Variants in DIPK1B observed in about 807,000 individuals in gnomAD.
The protein encoded by DIPK1B is family with sequence similarity 69 member B.
A neutral mutation model predicts 20.7 loss-of-function variants in DIPK1B; 17 were observed. The ratio of observed to expected loss-of-function variants is 0.82; its 90% CI spans 0.56 to 1.23. The LOEUF (loss-of-function observed/expected upper bound fraction) is 1.23, where lower values mean the gene tolerates loss of function less well. DIPK1B is among the 50% of genes most tolerant of loss of function. DIPK1B has a pLI of 0.00. For synonymous variants in DIPK1B, 343 were observed against 276.5 expected (o/e 1.24, Z -2.39); for missense variants, 648 against 601.8 (o/e 1.08, Z -0.80).
At chr9:136,721,692 G>GTAGATCTC in intron 2 of DIPK1B, 1 of 545,228 alleles carries the variant, frequency 1.8e-6, no homozygotes, top group Non-Finnish European at 3.3e-6. Flanking sequence ...CCAGGATGGT[G>GTAGATCTC]GGGACGGGAC....
intron 1 of DIPK1B, among the ~76,000 whole-genome samples, chr9:136,714,206 C>T (rs1350950897): frequency 6.6e-6 from 1 of 152,202 alleles, no homozygotes; most frequent in African/African-American, 2.4e-5. Flanking sequence ...GGCAAGGTGG[C>T]TCCTGCCTGT....
intron 2 of DIPK1B, among the ~76,000 whole-genome samples, chr9:136,718,071 G>A (rs1271148204): frequency 6.6e-6 from 1 of 151,964 alleles, no homozygotes; most frequent in Admixed American, 6.5e-5. Context: ...CCGGGATAGA[G>A]ACCCCCGTGT....
Position 136,712,824 on chromosome 9 carries a change from G to A in DIPK1B, c.63+96G>A, listed in dbSNP as rs1367409572. The A allele has an allele frequency of 2.3e-6, 2 of 864,678 alleles. No homozygotes were observed. Among genetic ancestry groups the A allele is most frequent in the East Asian group, 7.5e-5 (2 of 26,730 alleles). 53.6% of individuals were successfully genotyped at this position (864,678 alleles called of 1,614,324 possible). On this transcript the variant is annotated intron_variant, in intron 1 of 4. Coordinates refer to ENST00000371692, the MANE Select transcript of DIPK1B (RefSeq NM_152421.4). This position sits in a 1 kb window ranked among gnomAD's most constrained non-coding sequence, Gnocchi z 5.6. The stretch of plus-strand genomic sequence containing the variant: ...GGCCGAGTACGGAGCGGGGCCCCGG[G>A]TTCGGACACGAAGGGTTCATGAGCC...
At chr9:136,719,166 G>A (rs1441180761) in intron 2 of DIPK1B, among the ~76,000 whole-genome samples, 4 of 152,036 alleles carry the variant, frequency 2.6e-5, no homozygotes, top group African/African-American at 7.2e-5. Flanking sequence ...GCGGGTGGGG[G>A]TGAGCAGAGG....
rs998534295 is a variant in DIPK1B, at chr9:136,724,451, C to T, written c.*677C>T. On this transcript the variant is annotated 3_prime_UTR_variant, in exon 5 of 5. Transcript: ENST00000371692. ...CAGGAATGGCCATCTTCTCCAGCCC[C>T]GTACGCTCTCCCCAGTAGCCCAGGG... 9.9e-5 allele frequency among the ~76,000 whole-genome samples: 15 copies of T among 152,236 alleles called. No homozygotes were observed. Among genetic ancestry groups the T allele is most frequent in the African/African-American group, 3.4e-4 (14 of 41,460 alleles).
chr9:136,714,027 G>A (rs190264491), intron 1 of DIPK1B, among the ~76,000 whole-genome samples: 120 of 152,352 alleles, frequency 7.9e-4, no homozygotes, highest in Non-Finnish European at 3.2e-4. Flanking sequence ...CCTGGATGGT[G>A]GGGCCACCTC....
chr9:136,722,110 T>C lies in DIPK1B; in HGVS notation c.307-15T>C, dbSNP rs1423670914. 1.9e-6 allele frequency: 3 copies of C among 1,613,772 alleles called. No individual in the cohort carries two copies. Among genetic ancestry groups the C allele is most frequent in the Non-Finnish European group, 2.5e-6 (3 of 1,179,900 alleles). On this transcript the variant is annotated splice_polypyrimidine_tract_variant and intron_variant, in intron 3 of 4. Transcript: ENST00000371692. Reference sequence around the variant, plus strand: ...GGGGGATGTCTGCACGGAGGACCTCTGTGGCCCTGTCCAGGTGTACAGCGG... The same window carrying C: ...GGGGGATGTCTGCACGGAGGACCTCCGTGGCCCTGTCCAGGTGTACAGCGG...
In DIPK1B at chr9:136,717,623, T is replaced by G. The variant is rs759658882; in HGVS notation, c.110T>G (p.Leu37Arg). ...LRVRCIFLAW[L>R]GVFAGSWLVY... ...GTCCGCTGCATCTTCCTGGCCTGGC[T>G]GGGCGTCTTTGCAGGCAGCTGGCTG... Residue 37 changes from leucine (L) to arginine (R), a missense_variant, in exon 2 of 5, where the codon CTG becomes CGG. By Grantham distance (102) the Leu-to-Arg change is moderately radical. Coordinates refer to ENST00000371692, the MANE Select transcript of DIPK1B (RefSeq NM_152421.4). 6.2e-6 allele frequency: 10 copies of G among 1,604,966 alleles called. No individual in the cohort carries two copies. The East Asian group carries it at 2.2e-4, about 36-fold the overall frequency.
intron 2 of DIPK1B, chr9:136,720,955 G>A (rs1846590056): frequency 6.6e-6 from 1 of 152,294 alleles, no homozygotes; most frequent in Non-Finnish European, 1.5e-5. Context: ...CCAAGTCCTT[G>A]GGACAGGAGG....
intron 1 of DIPK1B, 130 bp from the exon 2 acceptor site, chr9:136,717,447 A>G (rs1358936421): frequency 1.9e-6 from 2 of 1,067,406 alleles, no homozygotes; most frequent in East Asian, 2.6e-5. Flanking sequence ...CGGGGGTGCC[A>G]GGGGGCCAAG....
chr9:136,719,869 C>T (rs1311145953), intron 2 of DIPK1B, among the ~76,000 whole-genome samples: 8 of 151,612 alleles, frequency 5.3e-5, no homozygotes, highest in East Asian at 1.9e-4. Flanking sequence ...AGGGGCTGGT[C>T]TGGGGCTCCG....
At chr9:136,719,112 A>T (rs1588282967) in intron 2 of DIPK1B, among the ~76,000 whole-genome samples, 2 of 11,982 alleles carry the variant, frequency 1.7e-4, no homozygotes, top group Admixed American at 1.1e-3. Context: ...AGGACCAAGG[A>T]GGTGGAGGGG....
Position 136,721,854 on chromosome 9 carries a change from T to C in DIPK1B, c.199-67T>C, listed in dbSNP as rs975913769. On this transcript the variant is annotated intron_variant, in intron 2 of 4. Transcript: ENST00000371692. ...GAGGCCCCTGCCAGCTTCGGGCCTG[T>C]GGGCAGGGGCTCAGTGGGGCAGGGG... The C allele has an allele frequency of 1.4e-5, 20 of 1,459,810 alleles. No individual in the cohort carries two copies. In the East Asian group the frequency reaches 4.1e-4, roughly 30 times the overall value. The allele number at this position is 1,459,810 out of a possible 1,614,324, so 90.4% of individuals were successfully genotyped here.
intron 2 of DIPK1B, among the ~76,000 whole-genome samples, chr9:136,719,592 G>A (rs1279341396): frequency 2.0e-5 from 3 of 152,356 alleles, no homozygotes; most frequent in South Asian, 2.1e-4. Flanking sequence ...CAGGCTGGGC[G>A]GTGAGGGGAC....
intron 2 of DIPK1B, among the ~76,000 whole-genome samples, chr9:136,720,355 C>T (rs918203196): frequency 6.6e-5 from 10 of 152,134 alleles, no homozygotes; most frequent in African/African-American, 2.4e-4. Flanking sequence ...GGGGCGGGGA[C>T]CCTCCCTCCT....
rs760315926 is a variant in DIPK1B, at chr9:136,722,161, A to G, written c.343A>G (p.Ile115Val). The G allele has an allele frequency of 1.2e-6, 2 of 1,613,958 alleles. No individual in the cohort carries two copies. The highest frequency in any genetic ancestry group is 8.5e-7 in the Non-Finnish European group (1 of 1,179,974). Residue 115 changes from isoleucine (I) to valine (V), a missense_variant, in exon 4 of 5, where the codon ATC (isoleucine) becomes GTC (valine). Coordinates refer to ENST00000371692, the MANE Select transcript of DIPK1B (RefSeq NM_152421.4). ...SGLWRDKDVT[I>V]KCGIEETLDS... ...GCTCTGGCGGGACAAGGATGTAACC[A>G]TCAAGTGTGGCATTGAGGAGACCCT...
chr9:136,723,156 G>A lies in DIPK1B; in HGVS notation c.678G>A (p.Gly226=), dbSNP rs1010972027. ...CCTCCAGACTGCTGGGCTACTGTGG[G>A]GACCTCTACCTCACCGAGGGCGTGC... ...EHASRLLGYC[G]DLYLTEGVPH... The change falls in exon 5 of 5, where the codon GGG becomes GGA. Residue 226 remains glycine (G), a synonymous_variant. Transcript: ENST00000371692. The A allele has an allele frequency of 1.9e-6, 3 of 1,613,370 alleles. No individual in the cohort carries two copies. The highest frequency in any genetic ancestry group is 2.5e-6 in the Non-Finnish European group (3 of 1,179,976).
In DIPK1B at chr9:136,722,848, G is replaced by GT. The variant is rs1234922216; in HGVS notation, c.484-114_484-113insT. 3 of 1,085,024 alleles carry GT rather than the reference G, an allele frequency of 2.8e-6. No individual in the cohort carries two copies. In the African/African-American group the frequency reaches 4.8e-5, roughly 17 times the overall value. The allele number at this position is 1,085,024 out of a possible 1,614,324, so 67.2% of individuals were successfully genotyped here. The stretch of plus-strand genomic sequence containing the variant: ...GTGGGCTGGGACCCCTAACCTGGCA[G>GT]ATGTGCTGGTCTGGCCGGCAGACCA... On this transcript the variant is annotated intron_variant, in intron 4 of 4. Transcript: ENST00000371692.
chr9:136,721,622 G>T (rs768017625), intron 2 of DIPK1B: 1 of 389,510 alleles, frequency 2.6e-6, no homozygotes, highest in African/African-American at 2.0e-5. Context: ...GTCGACACTG[G>T]GTGTGGTGTG....
Sources: gnomAD v4.1 joint callset for allele counts (sites outside exome capture counted in the v4.1 genomes callset) on GRCh38, gnomAD v4.1.1 for gene constraint, Gnocchi (gnomAD v3.1) non-coding constraint, MANE v1.5 for transcripts, NCBI Gene and HGNC (gene_info 2026-07-23, HGNC 2026-07-21) for gene names.